RNF130: variants seen among roughly 807,000 people sequenced by gnomAD.
RNF130 encodes the protein E3 ubiquitin-protein ligase RNF130.
In RNF130, 21 loss-of-function variants were observed where a neutral mutation model predicts 44.6. The ratio of observed to expected loss-of-function variants is 0.47; its 90% CI spans 0.33 to 0.68. The LOEUF is 0.68. RNF130 is among the 30% of genes least tolerant of loss of function. The pLI is 0.02. For synonymous variants in RNF130, 214 were observed against 210.4 expected (o/e 1.02, Z -0.15); for missense variants, 479 against 560.6 (o/e 0.85, Z 1.47).
chr5:179,977,889 A>G lies in RNF130; in HGVS notation c.848+314T>C, dbSNP rs1762751082. On this transcript the variant is annotated intron_variant, in intron 5 of 8. Coordinates refer to ENST00000521389, the MANE Select transcript of RNF130 (RefSeq NM_018434.6). The surrounding 1 kb of genome is among the most constrained non-coding windows in gnomAD (Gnocchi z 4.1). ...ATAAATAAATAAATAAAAGAAAACA[A>G]ACATAAAAAGATAAACGAAACCATA... is the stretch of plus-strand genomic sequence containing the variant. Among the ~76,000 whole-genome samples the G allele has an allele frequency of 6.6e-6, 1 of 152,178 alleles. No individual in the cohort carries two copies. The highest frequency in any genetic ancestry group is 2.4e-5 in the African/African-American group (1 of 41,448).
intron 3 of RNF130, among the ~76,000 whole-genome samples, chr5:179,991,869 G>A (rs1164573152): frequency 6.6e-6 from 1 of 152,114 alleles, no homozygotes; most frequent in Non-Finnish European, 1.5e-5. Flanking sequence ...TGGGAGAGAT[G>A]GGAGACAGTG....
intron 8 of RNF130, among the ~76,000 whole-genome samples, chr5:179,957,881 CTT>C (rs35629659): frequency 8.7e-4 from 125 of 142,978 alleles, no homozygotes; most frequent in African/African-American, 8.4e-4. Context: ...ATTCAAAATT[CTT>C]TTTTTTTTTT....
chr5:180,016,370 A>T (rs1763732032), intron 2 of RNF130, among the ~76,000 whole-genome samples: 1 of 146,886 alleles, frequency 6.8e-6, no homozygotes, highest in Non-Finnish European at 1.5e-5. Flanking sequence ...AGGCTTCACA[A>T]TAAAGGGCCG....
At chr5:180,060,821 G>A (rs1247254844) in intron 1 of RNF130, among the ~76,000 whole-genome samples, 2 of 152,182 alleles carry the variant, frequency 1.3e-5, no homozygotes, top group Non-Finnish European at 2.9e-5. Context: ...TGTAATCCCA[G>A]CACTTTGGGA....
chr5:179,956,909 G>C (rs909571626), intron 8 of RNF130, among the ~76,000 whole-genome samples: 4 of 152,336 alleles, frequency 2.6e-5, no homozygotes, highest in African/African-American at 9.6e-5. Context: ...GCATCTCAAT[G>C]AATGAGGGGG....
At chr5:179,958,906 C>T (rs1156631202) in intron 8 of RNF130, among the ~76,000 whole-genome samples, 1 of 152,126 alleles carries the variant, frequency 6.6e-6, no homozygotes, top group Non-Finnish European at 1.5e-5. Flanking sequence ...GTCTTGAACT[C>T]CTGACCTCAG....
intron 2 of RNF130, among the ~76,000 whole-genome samples, chr5:180,026,461 C>T (rs1763987661): frequency 6.6e-6 from 1 of 152,186 alleles, no homozygotes; most frequent in Non-Finnish European, 1.5e-5. Context: ...CACAGATCCG[C>T]TAACTACATG....
intron 1 of RNF130, among the ~76,000 whole-genome samples, chr5:180,048,711 C>T (rs765113450): frequency 6.6e-6 from 1 of 152,176 alleles, no homozygotes; most frequent in Non-Finnish European, 1.5e-5. Context: ...AGCACCTCAG[C>T]AGTGTCACCA....
At chr5:180,045,692 G>A (rs1441320648) in intron 1 of RNF130, among the ~76,000 whole-genome samples, 1 of 152,144 alleles carries the variant, frequency 6.6e-6, no homozygotes, top group Non-Finnish European at 1.5e-5. Context: ...GTGCTGATTG[G>A]TGCATTTACA....
chr5:179,971,944 G>C (rs1031712966), intron 5 of RNF130, among the ~76,000 whole-genome samples: 1 of 152,128 alleles, frequency 6.6e-6, no homozygotes, highest in Non-Finnish European at 1.5e-5. Flanking sequence ...AGATCTTGAA[G>C]AATGAATTTA....
chr5:179,948,406 A>C (rs894243206), intron 7 of RNF130, among the ~76,000 whole-genome samples: 3 of 152,200 alleles, frequency 2.0e-5, no homozygotes, highest in African/African-American at 7.2e-5. Context: ...GCATTGGCTC[A>C]TGCCTGTAAT....
intron 1 of RNF130, among the ~76,000 whole-genome samples, chr5:180,065,780 G>C (rs1487631036): frequency 6.8e-6 from 1 of 148,096 alleles, no homozygotes; most frequent in Non-Finnish European, 1.5e-5. Flanking sequence ...AAACAACTAT[G>C]TAAAGAAAGA....
chr5:180,027,899 C>A (rs954079816), intron 2 of RNF130, among the ~76,000 whole-genome samples: 7 of 152,250 alleles, frequency 4.6e-5, no homozygotes, highest in East Asian at 1.9e-4. Context: ...AGACTGCACA[C>A]CCCAGTGCAG....
intron 2 of RNF130, among the ~76,000 whole-genome samples, chr5:180,016,384 AGAG>A (rs1184176667): frequency 1.3e-5 from 2 of 152,172 alleles, no homozygotes; most frequent in Admixed American, 6.5e-5. Context: ...AGGGCCGGTC[AGAG>A]GAGGCAGTGA....
At chr5:179,932,004 ATTTC>A in intron 7 of RNF130, among the ~76,000 whole-genome samples, 1 of 152,142 alleles carries the variant, frequency 6.6e-6, no homozygotes, top group East Asian at 1.9e-4. Flanking sequence ...TGTGTAGTAA[ATTTC>A]TTTATTATTT....
At chr5:180,070,699 A>G (rs1176173206) in intron 1 of RNF130, among the ~76,000 whole-genome samples, 2 of 152,248 alleles carry the variant, frequency 1.3e-5, no homozygotes, top group African/African-American at 4.8e-5. Context: ...AACCATGACT[A>G]ATAATTTAAA....
rs1182688941 is a variant in RNF130 at position 179,977,622 on chromosome 5, G to A, written c.848+581C>T. On this transcript the variant is annotated intron_variant, in intron 5 of 8. Transcript: ENST00000521389. This position sits in a 1 kb window ranked among gnomAD's most constrained non-coding sequence, Gnocchi z 4.1. ...AATCCCAGGACTTTGGGAGGCTGAG[G>A]CAGGCAGATCACCTGAGGTCAGGAG... Among the ~76,000 whole-genome samples the A allele has an allele frequency of 6.6e-6, 1 of 152,172 alleles. No individual in the cohort carries two copies. The highest frequency in any genetic ancestry group is 1.5e-5 in the Non-Finnish European group (1 of 68,032).
At chr5:179,991,952 T>TATGTGAACCTAATGCCATA (rs1763092290) in intron 3 of RNF130, among the ~76,000 whole-genome samples, 1 of 151,974 alleles carries the variant, frequency 6.6e-6, no homozygotes, top group Admixed American at 6.6e-5. Context: ...ACAGTAGGCT[T>TATGTGAACCTAATGCCATA]CACACTCCTA....
intron 7 of RNF130, among the ~76,000 whole-genome samples, chr5:179,934,545 T>C (rs965410603): frequency 6.7e-5 from 10 of 149,832 alleles, no homozygotes; most frequent in Non-Finnish European, 1.3e-4. Context: ...CTTTCCTTTT[T>C]TTTTTTTTTT....
Sources: gnomAD v4.1 joint callset for allele counts (sites outside exome capture counted in the v4.1 genomes callset) on GRCh38, gnomAD v4.1.1 for gene constraint, Gnocchi (gnomAD v3.1) non-coding constraint, MANE v1.5 for transcripts, NCBI Gene and HGNC (gene_info 2026-07-23, HGNC 2026-07-21) for gene names.